The following ADAMTSL1 variants were observed in gnomAD, a reference collection of about 807,000 sequenced individuals.
ADAMTSL1 encodes the protein ADAMTS-like protein 1.
In ADAMTSL1, 126 loss-of-function variants were observed where a neutral mutation model predicts 201.8. That is an observed-to-expected ratio of 0.62 (90% CI 0.54 to 0.72). ADAMTSL1 has a LOEUF of 0.72. Ranked by LOEUF, ADAMTSL1 falls within the 30% of genes least tolerant of loss-of-function variation. The probability of loss-of-function intolerance (pLI) is 0.00; values close to 1 mark genes in which losing one functional copy is unlikely to be tolerated. For synonymous variants in ADAMTSL1, 1,121 were observed against 903.4 expected, an observed-to-expected ratio of 1.24 and a Z score of -4.32; for missense variants, 2,679 against 2,277.8, an observed-to-expected ratio of 1.18 and a Z score of -3.59.
intron 1 of ADAMTSL1, among the ~76,000 whole-genome samples, chr9:17,951,681 A>G (rs57470909): frequency 0.012 from 1,826 of 148,034 alleles, 34 homozygotes; most frequent in African/African-American, 0.044. Context: ...GGAATTCTTT[A>G]TATAATCTGG....
intron 14 of ADAMTSL1, among the ~76,000 whole-genome samples, chr9:18,712,244 C>T (rs1045938011): frequency 3.5e-4 from 53 of 152,278 alleles, no homozygotes; most frequent in Non-Finnish European, 5.1e-4. Context: ...CAAAGCTGGA[C>T]GGAGAATGAC....
At chr9:18,337,349 C>A (rs187744827) in intron 2 of ADAMTSL1, among the ~76,000 whole-genome samples, 1 of 152,068 alleles carries the variant, frequency 6.6e-6, no homozygotes. Context: ...GGGACTTGGA[C>A]GGGCTTCCTT....
At chr9:18,677,577 T>C (rs1830199477) in intron 10 of ADAMTSL1, among the ~76,000 whole-genome samples, 1 of 152,070 alleles carries the variant, frequency 6.6e-6, no homozygotes, top group Non-Finnish European at 1.5e-5. Context: ...GTTTTTCCTG[T>C]AAAGGCAACT....
At chr9:18,073,610 T>G (rs769024532) in intron 1 of ADAMTSL1, among the ~76,000 whole-genome samples, 3 of 152,162 alleles carry the variant, frequency 2.0e-5, no homozygotes, top group Non-Finnish European at 4.4e-5. Context: ...CTTTCTTGGG[T>G]GAAAATATGA....
At chr9:18,403,337 C>T (rs1177107439) in intron 2 of ADAMTSL1, among the ~76,000 whole-genome samples, 1 of 151,924 alleles carries the variant, frequency 6.6e-6, no homozygotes, top group Admixed American at 6.6e-5. Context: ...GCACACACCA[C>T]CATGCCCAGC....
At chr9:18,446,119 G>T (rs13297951) in intron 2 of ADAMTSL1, among the ~76,000 whole-genome samples, 5 of 152,056 alleles carry the variant, frequency 3.3e-5, no homozygotes, top group Admixed American at 2.6e-4. Context: ...TAGCTCAATT[G>T]TGCGATTACC....
At chr9:18,715,846 G>C (rs1032018223) in intron 14 of ADAMTSL1, among the ~76,000 whole-genome samples, 6 of 151,852 alleles carry the variant, frequency 4.0e-5, no homozygotes, top group Non-Finnish European at 8.8e-5. Context: ...ATACTACAAG[G>C]CTACAGTAAC....
chr9:18,237,802 T>C (rs1830907926), intron 2 of ADAMTSL1, among the ~76,000 whole-genome samples: 1 of 152,272 alleles, frequency 6.6e-6, no homozygotes, highest in African/African-American at 2.4e-5. Flanking sequence ...TTTCTTCCTT[T>C]GTCAGTATTT....
chr9:18,590,596 A>G (rs1423650388), intron 4 of ADAMTSL1, among the ~76,000 whole-genome samples: 3 of 151,760 alleles, frequency 2.0e-5, no homozygotes, highest in Non-Finnish European at 4.4e-5. Flanking sequence ...ATTCCTTGAG[A>G]TGCATCATTA....
rs1308104925 is a variant in ADAMTSL1 at position 18,048,397 on chromosome 9, G to GA, written c.88-115458dup. Among the ~76,000 whole-genome samples the GA allele has an allele frequency of 7.9e-5, 12 of 152,166 alleles. 1 individual carries two copies. The highest frequency in any genetic ancestry group is 2.6e-4 in the African/African-American group (11 of 41,542). On this transcript the variant is annotated intron_variant, in intron 1 of 29. Transcript: ENST00000680146. ...ATTGTCACTGTTGTGTCCTGGAACA[G>GA]AAAAAAATACATTAGGTAAAAATAA... is the stretch of plus-strand genomic sequence containing the variant.
chr9:18,228,067 A>G (rs1006942616), intron 2 of ADAMTSL1, among the ~76,000 whole-genome samples: 1 of 152,194 alleles, frequency 6.6e-6, no homozygotes, highest in Non-Finnish European at 1.5e-5. Flanking sequence ...TATAAGCCCA[A>G]TAGCCACGTT....
At chr9:18,882,599 G>A (rs1828600570) in intron 23 of ADAMTSL1, among the ~76,000 whole-genome samples, 1 of 152,122 alleles carries the variant, frequency 6.6e-6, no homozygotes, top group East Asian at 1.9e-4. Flanking sequence ...ACTCATTTCA[G>A]AACAGGAGTG....
chr9:18,083,124 T>C (rs942612431), intron 1 of ADAMTSL1, among the ~76,000 whole-genome samples: 1 of 152,178 alleles, frequency 6.6e-6, no homozygotes. Context: ...ACTTTTTATT[T>C]TGAGGATGTG....
Position 18,474,189 on chromosome 9 carries a change from C to A in ADAMTSL1, c.-44C>A. The A allele has an allele frequency of 6.3e-7, 1 of 1,597,854 alleles. No homozygotes were observed. The highest frequency in any genetic ancestry group is 8.6e-7 in the Non-Finnish European group (1 of 1,165,836). ...TGACAGCAGGCAGAGGAGCACTTAG[C>A]AGCTTATTCAGTGTCCGATTCTGAT... is the stretch of plus-strand genomic sequence containing the variant. On this transcript the variant is annotated 5_prime_UTR_variant, in exon 1 of 29. Transcript: ENST00000380548.
At chr9:17,936,582 C>T (rs1180108473) in intron 1 of ADAMTSL1, among the ~76,000 whole-genome samples, 2 of 152,296 alleles carry the variant, frequency 1.3e-5, no homozygotes, top group South Asian at 4.1e-4. Context: ...GGCAGGGCTG[C>T]CGCTCAGGCC....
chr9:18,219,840 T>A (rs142701374), intron 2 of ADAMTSL1, among the ~76,000 whole-genome samples: 1 of 152,178 alleles, frequency 6.6e-6, no homozygotes, highest in Non-Finnish European at 1.5e-5. Context: ...ACAACTGATA[T>A]CAAGTGTACT....
upstream of ADAMTSL1, among the ~76,000 whole-genome samples, chr9:18,470,138 C>A (rs1821150675): frequency 6.6e-6 from 1 of 152,194 alleles, no homozygotes; most frequent in Non-Finnish European, 1.5e-5. Context: ...CCCAAATTTC[C>A]TGCCTGCTAA....
intron 14 of ADAMTSL1, among the ~76,000 whole-genome samples, chr9:18,714,130 G>A (rs1832772011): frequency 6.6e-6 from 1 of 152,134 alleles, no homozygotes; most frequent in Non-Finnish European, 1.5e-5. Flanking sequence ...AGCACTAAAT[G>A]CCCACAAGAG....
intron 4 of ADAMTSL1, among the ~76,000 whole-genome samples, chr9:18,614,187 T>G (rs1026186182): frequency 6.6e-6 from 1 of 152,172 alleles, no homozygotes; most frequent in African/African-American, 2.4e-5. Flanking sequence ...AAGGGTCTGG[T>G]GAACCTGCAA....
Sources: allele counts gnomAD v4.1 joint callset (sites outside exome capture counted in the v4.1 genomes callset), GRCh38; gene constraint gnomAD v4.1.1; transcripts MANE v1.5; gene names NCBI Gene and HGNC (gene_info 2026-07-23, HGNC 2026-07-21).